The following ZNF37A variants were observed in gnomAD, a reference collection of about 807,000 sequenced individuals.
The protein encoded by ZNF37A is zinc finger protein 37A.
In ZNF37A, 10 loss-of-function variants were observed where a neutral mutation model predicts 12.3. The observed-to-expected ratio is 0.82, with a 90% CI of 0.50 to 1.38. The LOEUF (loss-of-function observed/expected upper bound fraction) is 1.38, where lower values mean the gene tolerates loss of function less well. Ranked by LOEUF, ZNF37A falls within the 40% of genes most tolerant of loss-of-function variation. The pLI, the probability that ZNF37A is intolerant of heterozygous loss-of-function variation, is 0.00. For synonymous variants in ZNF37A, 207 were observed against 223.0 expected (o/e 0.93, Z 0.64); for missense variants, 580 against 651.2 (o/e 0.89, Z 1.19).
At chr10:38,135,838 C>T (rs1302565600) in intron 7 of ZNF37A, among the ~76,000 whole-genome samples, 1 of 152,110 alleles carries the variant, frequency 6.6e-6, no homozygotes, top group African/African-American at 2.4e-5. Flanking sequence ...TGGGGAAAAC[C>T]ACCCTCATGA....
intron 7 of ZNF37A, chr10:38,140,563 A>G (rs543124205): frequency 6.6e-6 from 1 of 152,348 alleles, no homozygotes; most frequent in South Asian, 2.1e-4. Flanking sequence ...TCACAGAGAG[A>G]TGGTAGTTAG....
At chr10:38,111,013 C>G (rs1436602444) in intron 5 of ZNF37A, among the ~76,000 whole-genome samples, 8 of 152,176 alleles carry the variant, frequency 5.3e-5, no homozygotes, top group Admixed American at 2.6e-4. Context: ...AATCATTCTA[C>G]TATAAGGACA....
intron 5 of ZNF37A, among the ~76,000 whole-genome samples, chr10:38,113,743 G>A (rs2069019972): frequency 6.6e-6 from 1 of 152,188 alleles, no homozygotes; most frequent in Non-Finnish European, 1.5e-5. Flanking sequence ...CTCTCCAGCA[G>A]TCTCAACTCT....
chr10:38,117,675 A>G lies in ZNF37A; in HGVS notation c.524A>G (p.Lys175Arg). 3 of 1,613,956 alleles carry G rather than the reference A, an allele frequency of 1.9e-6. No individual in the cohort carries two copies. The highest frequency in any genetic ancestry group is 1.1e-5 in the South Asian group (1 of 91,078). The change falls in exon 8 of 8, where the codon AAA becomes AGA. Residue 175 changes from lysine to arginine, a missense_variant. Coordinates refer to ENST00000685332, the MANE Select transcript of ZNF37A (RefSeq NM_001324250.3). ...KRGYTGQKTC[K>R]YTEHGKTCDM... Reference sequence around the variant, plus strand: ...GGTTACACAGGACAGAAAACCTGCAAATATACTGAACATGGGAAAACCTGT... The same window carrying G: ...GGTTACACAGGACAGAAAACCTGCAGATATACTGAACATGGGAAAACCTGT...
rs1339609444 is a variant in ZNF37A at position 38,094,349 on chromosome 10, G to T, written c.-633G>T. On this transcript the variant is annotated 5_prime_UTR_variant, in exon 1 of 8. Coordinates refer to ENST00000685332, the MANE Select transcript of ZNF37A (RefSeq NM_001324250.3). ...CGAGGACTTGTGGGAGATGTAGTGTGCACTTTTCGGCCCCCGTCGCGGGAG... is the reference window on the plus strand; with the variant it reads ...CGAGGACTTGTGGGAGATGTAGTGTTCACTTTTCGGCCCCCGTCGCGGGAG... 1 of 124,280 alleles carries T rather than the reference G, an allele frequency of 8.0e-6. No individual in the cohort carries two copies. Among genetic ancestry groups the T allele is most frequent in the African/African-American group, 3.0e-5 (1 of 33,672 alleles). The allele number at this position is 124,280 out of a possible 1,614,324, so 7.7% of individuals were successfully genotyped here. A position where few individuals can be genotyped will look rare whatever the true frequency, so the allele number is the denominator to read the frequency against.
At chr10:38,146,249 A>G (rs1466625624) in intron 7 of ZNF37A, among the ~76,000 whole-genome samples, 1 of 152,160 alleles carries the variant, frequency 6.6e-6, no homozygotes, top group African/African-American at 2.4e-5. Context: ...TTCCAGGCAC[A>G]TTTCCCTGAG....
chr10:38,130,896 A>C (rs1443102243), intron 7 of ZNF37A, among the ~76,000 whole-genome samples: 1 of 152,174 alleles, frequency 6.6e-6, no homozygotes, highest in Non-Finnish European at 1.5e-5. Flanking sequence ...TACACATCTT[A>C]CTAAGTAGAA....
chr10:38,134,758 G>A (rs138419467), intron 7 of ZNF37A, among the ~76,000 whole-genome samples: 40 of 152,338 alleles, frequency 2.6e-4, no homozygotes, highest in African/African-American at 9.4e-4. Context: ...CACTTGAGGA[G>A]GCAGTCTGAC....
chr10:38,118,562 G>A lies in ZNF37A; in HGVS notation c.1411G>A (p.Glu471Lys). 6.2e-7 allele frequency: 1 copy of A among 1,606,134 alleles called. No homozygotes were observed. Among genetic ancestry groups the A allele is most frequent in the Non-Finnish European group, 8.5e-7 (1 of 1,174,942 alleles). Residue 471 changes from glutamate (E) to lysine (K), a missense_variant, in exon 8 of 8, where the codon GAA becomes AAA. Transcript: ENST00000685332. ...AGGGGAGAAACCTTTTGGATGTAAT[G>A]AATGTGGGAAAACCTTCCGTCAGAA... The part of the protein sequence containing the change: ...HTGEKPFGCN[E>K]CGKTFRQKSA...
chr10:38,137,531 A>G (rs1219514416), intron 7 of ZNF37A: 1 of 152,216 alleles, frequency 6.6e-6, no homozygotes, highest in Non-Finnish European at 1.5e-5. Flanking sequence ...ACATGCCCAC[A>G]CCACATTTAT....
intron 5 of ZNF37A, among the ~76,000 whole-genome samples, chr10:38,106,464 C>G (rs1390128359): frequency 1.3e-5 from 2 of 152,162 alleles, no homozygotes; most frequent in African/African-American, 4.8e-5. Flanking sequence ...CCACACAACT[C>G]CTTGCCTGCA....
chr10:38,106,673 A>T (rs2068122418), intron 5 of ZNF37A, among the ~76,000 whole-genome samples: 2 of 152,168 alleles, frequency 1.3e-5, no homozygotes, highest in Admixed American at 1.3e-4. Context: ...CACCTGATGG[A>T]GCTGAAAAAC....
downstream of ZNF37A, among the ~76,000 whole-genome samples, chr10:38,129,801 G>T (rs2069995196): frequency 6.6e-6 from 1 of 151,888 alleles, no homozygotes; most frequent in East Asian, 1.9e-4. Context: ...TGTAGTTTTG[G>T]GTTTTGTTTG....
Position 38,118,316 on chromosome 10 carries a change from G to C in ZNF37A, c.1165G>C (p.Gly389Arg), listed in dbSNP as rs765600923. 2.2e-5 allele frequency: 36 copies of C among 1,613,720 alleles called. No individual in the cohort carries two copies. Among genetic ancestry groups the C allele is most frequent in the Non-Finnish European group, 3.0e-5 (35 of 1,179,990 alleles). ...GEKPYECYAC[G>R]KAFLRKSDLI... Reference sequence around the variant, plus strand: ...GAAGCCCTATGAATGCTATGCATGTGGGAAAGCCTTTCTCAGAAAATCAGA... The same window carrying C: ...GAAGCCCTATGAATGCTATGCATGTCGGAAAGCCTTTCTCAGAAAATCAGA... Residue 389 changes from glycine to arginine, a missense_variant, in exon 8 of 8, where the codon GGG (glycine) becomes CGG (arginine). By Grantham distance (125) the Gly-to-Arg change is moderately radical (BLOSUM62 -2). Coordinates refer to ENST00000685332, the MANE Select transcript of ZNF37A (RefSeq NM_001324250.3).
chr10:38,134,968 C>G (rs1455667616), intron 7 of ZNF37A, among the ~76,000 whole-genome samples: 1 of 152,136 alleles, frequency 6.6e-6, no homozygotes, highest in African/African-American at 2.4e-5. Context: ...ACTTTTGATT[C>G]TTATCTCACT....
intron 7 of ZNF37A, among the ~76,000 whole-genome samples, chr10:38,116,397 A>T (rs2069272754): frequency 6.6e-6 from 1 of 152,234 alleles, no homozygotes; most frequent in Non-Finnish European, 1.5e-5. Context: ...CATGTTTTTT[A>T]GTAAATGAAC....
rs769833377 is a variant in ZNF37A at position 38,118,133 on chromosome 10, G to A, written c.982G>A (p.Gly328Arg). 6.2e-7 allele frequency: 1 copy of A among 1,613,930 alleles called. No individual in the cohort carries two copies. The highest frequency in any genetic ancestry group is 8.5e-7 in the Non-Finnish European group (1 of 1,179,924). ...QRIHTGERPY[G>R]CHECGKSFSE... ...AATTCATACAGGGGAGAGACCTTATGGATGTCATGAATGTGGGAAATCCTT... is the reference window on the plus strand; with the variant it reads ...AATTCATACAGGGGAGAGACCTTATAGATGTCATGAATGTGGGAAATCCTT... Residue 328 changes from glycine to arginine, a missense_variant, in exon 8 of 8, where the codon GGA becomes AGA. Gly to Arg is a moderately radical substitution (Grantham distance 125). Coordinates refer to ENST00000685332, the MANE Select transcript of ZNF37A (RefSeq NM_001324250.3).
chr10:38,101,986 C>T (rs2067624797), intron 5 of ZNF37A, among the ~76,000 whole-genome samples: 1 of 151,642 alleles, frequency 6.6e-6, no homozygotes, highest in Non-Finnish European at 1.5e-5. Context: ...TGACACCTGG[C>T]TAATTTTTGT....
intron 5 of ZNF37A, among the ~76,000 whole-genome samples, chr10:38,113,205 A>AT (rs71007697): frequency 0.024 from 1,840 of 75,858 alleles, 101 homozygotes; most frequent in East Asian, 0.055. Flanking sequence ...TTAGTCTGTG[A>AT]TTTTTTTTTT....
Sources: allele counts gnomAD v4.1 joint callset (sites outside exome capture counted in the v4.1 genomes callset), GRCh38; gene constraint gnomAD v4.1.1; transcripts MANE v1.5; gene names NCBI Gene and HGNC (gene_info 2026-07-23, HGNC 2026-07-21).